Variants in PTPRD observed in about 807,000 individuals in gnomAD.
PTPRD encodes the protein protein tyrosine phosphatase receptor type D.
PTPRD carries 34 observed loss-of-function variants against 214.5 expected under a neutral mutation model. That is an observed-to-expected ratio of 0.16 (90% CI 0.12 to 0.21). The LOEUF (loss-of-function observed/expected upper bound fraction) is 0.21, where lower values mean the gene tolerates loss of function less well. Ranked by LOEUF, PTPRD falls within the 10% of genes least tolerant of loss-of-function variation. The probability of loss-of-function intolerance (pLI) is 1.00; values close to 1 mark genes in which losing one functional copy is unlikely to be tolerated. For missense variants in PTPRD, 2,545 were observed against 2,398.7 expected (o/e 1.06, Z -1.27); for synonymous variants, 1,128 against 845.7 (o/e 1.33, Z -5.79).
intron 11 of PTPRD, among the ~76,000 whole-genome samples, chr9:8,781,359 G>C (rs1239390753): frequency 1.3e-5 from 2 of 152,094 alleles, no homozygotes; most frequent in African/African-American, 2.4e-5. Flanking sequence ...TAATCCATTT[G>C]AGTGAAAATT....
chr9:8,654,946 T>G (rs1328675505), intron 12 of PTPRD, among the ~76,000 whole-genome samples: 1 of 152,200 alleles, frequency 6.6e-6, no homozygotes, highest in Non-Finnish European at 1.5e-5. Context: ...TTCATCAATC[T>G]TTCTAGCAAG....
chr9:8,495,883 C>T (rs1363001559), intron 26 of PTPRD, among the ~76,000 whole-genome samples: 1 of 152,176 alleles, frequency 6.6e-6, no homozygotes, highest in Non-Finnish European at 1.5e-5. Context: ...TACCGTCTTG[C>T]CAGCCTTTAA....
chr9:9,450,052 AG>A (rs1160638254), intron 8 of PTPRD, among the ~76,000 whole-genome samples: 2 of 151,716 alleles, frequency 1.3e-5, no homozygotes, highest in African/African-American at 4.8e-5. Flanking sequence ...AGCGCTGCAA[AG>A]GCCATTATTT....
intron 3 of PTPRD, among the ~76,000 whole-genome samples, chr9:10,190,718 CAA>C (rs57891244): frequency 2.5e-4 from 11 of 44,212 alleles, no homozygotes; most frequent in African/African-American, 3.9e-4. Context: ...AACTCTGTCT[CAA>C]AAAAAAAAAA....
intron 9 of PTPRD, among the ~76,000 whole-genome samples, chr9:9,202,006 A>C (rs2099942122): frequency 6.6e-6 from 1 of 152,204 alleles, no homozygotes; most frequent in African/African-American, 2.4e-5. Context: ...ATGGACACGA[A>C]CTTTTGGTGG....
At chr9:10,519,427 G>A (rs1291229348) in intron 2 of PTPRD, among the ~76,000 whole-genome samples, 1 of 151,890 alleles carries the variant, frequency 6.6e-6, no homozygotes, top group Non-Finnish European at 1.5e-5. Context: ...ACATAATAAA[G>A]ATATTCAAAC....
At chr9:8,592,370 T>C (rs896104775) in intron 14 of PTPRD, among the ~76,000 whole-genome samples, 1 of 152,160 alleles carries the variant, frequency 6.6e-6, no homozygotes. Flanking sequence ...GGTGTGTCAG[T>C]GATAATGAAC....
At chr9:10,215,484 T>G (rs765056463) in intron 3 of PTPRD, among the ~76,000 whole-genome samples, 22 of 152,110 alleles carry the variant, frequency 1.4e-4, no homozygotes, top group Non-Finnish European at 2.2e-4. Flanking sequence ...CAGGCCTACA[T>G]AATTTTGTAG....
At chr9:9,554,763 C>T (rs1400635400) in intron 8 of PTPRD, among the ~76,000 whole-genome samples, 1 of 152,056 alleles carries the variant, frequency 6.6e-6, no homozygotes, top group Non-Finnish European at 1.5e-5. Flanking sequence ...CACTTCTTAA[C>T]TACGCAGGAA....
intron 11 of PTPRD, among the ~76,000 whole-genome samples, chr9:8,759,779 G>C (rs2094290198): frequency 6.6e-6 from 1 of 151,806 alleles, no homozygotes; most frequent in African/African-American, 2.4e-5. Context: ...TTCTCTCCTG[G>C]TCCTATAATA....
chr9:10,125,921 T>C (rs1274228328), intron 3 of PTPRD, among the ~76,000 whole-genome samples: 1 of 152,120 alleles, frequency 6.6e-6, no homozygotes, highest in Non-Finnish European at 1.5e-5. Context: ...TGGTAATATA[T>C]TGTGTGACCA....
chr9:8,685,503 A>T (rs1157785469), intron 12 of PTPRD, among the ~76,000 whole-genome samples: 1 of 152,212 alleles, frequency 6.6e-6, no homozygotes, highest in Non-Finnish European at 1.5e-5. Flanking sequence ...ACTGGGTGTG[A>T]TGTAACTATA....
At chr9:10,274,318 T>A (rs928627072) in intron 3 of PTPRD, among the ~76,000 whole-genome samples, 1 of 152,114 alleles carries the variant, frequency 6.6e-6, no homozygotes, top group Non-Finnish European at 1.5e-5. Context: ...AGGACAAGGG[T>A]TATAGCTAAC....
chr9:9,191,053 T>C (rs1208534868), intron 9 of PTPRD, among the ~76,000 whole-genome samples: 2 of 152,104 alleles, frequency 1.3e-5, no homozygotes, highest in Non-Finnish European at 2.9e-5. Flanking sequence ...CTGGACCCAG[T>C]GGCTTGTCTC....
At chr9:10,571,026 G>T (rs1053161683) in intron 2 of PTPRD, among the ~76,000 whole-genome samples, 48 of 152,060 alleles carry the variant, frequency 3.2e-4, no homozygotes, top group African/African-American at 1.2e-3. Context: ...GGTTTTTGTG[G>T]CATTTCCATT....
At chr9:8,817,490 A>G (rs1007648814) in intron 11 of PTPRD, among the ~76,000 whole-genome samples, 1 of 152,080 alleles carries the variant, frequency 6.6e-6, no homozygotes, top group African/African-American at 2.4e-5. Context: ...AGCTGGGTAT[A>G]GTAGTGTGCA....
intron 9 of PTPRD, among the ~76,000 whole-genome samples, chr9:9,355,122 G>T (rs1224888316): frequency 1.3e-5 from 2 of 151,630 alleles, no homozygotes; most frequent in African/African-American, 2.4e-5. Flanking sequence ...GGTGAGTGTG[G>T]TATACACTTG....
intron 35 of PTPRD, among the ~76,000 whole-genome samples, chr9:8,435,919 A>G (rs936592748): frequency 7.2e-5 from 11 of 152,236 alleles, no homozygotes; most frequent in Admixed American, 2.6e-4. Context: ...ATAAGATAAT[A>G]TACACATACT....
intron 10 of PTPRD, among the ~76,000 whole-genome samples, chr9:9,164,771 G>C (rs965829949): frequency 2.0e-5 from 3 of 152,026 alleles, no homozygotes; most frequent in African/African-American, 7.2e-5. Flanking sequence ...CCAGCACTTT[G>C]GGAGGCTGAG....
Sources: gnomAD v4.1 joint callset for allele counts (sites outside exome capture counted in the v4.1 genomes callset) on GRCh38, gnomAD v4.1.1 for gene constraint, MANE v1.5 for transcripts, NCBI Gene and HGNC (gene_info 2026-07-23, HGNC 2026-07-21) for gene names.